The following ELMO1 variants were observed in gnomAD, a reference collection of about 807,000 sequenced individuals.
The protein encoded by ELMO1 is engulfment and cell motility protein 1.
Under a neutral mutation model 98.9 loss-of-function variants are expected in ELMO1, and 26 were observed. That is an observed-to-expected ratio of 0.26 (90% CI 0.19 to 0.36). ELMO1 has a LOEUF of 0.36. ELMO1 is among the 10% of genes least tolerant of loss of function. ELMO1 has a pLI of 1.00. For missense variants in ELMO1, 627 were observed against 935.2 expected (o/e 0.67, Z 4.30); for synonymous variants, 346 against 346.0 (o/e 1.00, Z 0.00).
intron 4 of ELMO1, among the ~76,000 whole-genome samples, chr7:37,292,834 T>G (rs1320341102): frequency 3.3e-5 from 3 of 92,200 alleles, no homozygotes; most frequent in Non-Finnish European, 6.9e-5. Context: ...GTCCGGGAGG[T>G]GAGGGGCGCC....
chr7:37,369,657 A>G (rs1243171312), intron 1 of ELMO1, among the ~76,000 whole-genome samples: 8 of 147,972 alleles, frequency 5.4e-5, no homozygotes, highest in Admixed American at 1.3e-4. Context: ...AGCAAGCTAT[A>G]TATAGCCCAA....
chr7:37,211,895 A>G (rs751733589), intron 12 of ELMO1, among the ~76,000 whole-genome samples: 3 of 152,214 alleles, frequency 2.0e-5, no homozygotes, highest in Non-Finnish European at 2.9e-5. Flanking sequence ...AGAAGCACCC[A>G]AAGTGCCTCA....
At chr7:37,186,663 T>C (rs766039576) in intron 13 of ELMO1, among the ~76,000 whole-genome samples, 6 of 152,134 alleles carry the variant, frequency 3.9e-5, no homozygotes, top group Non-Finnish European at 7.4e-5. Flanking sequence ...GAACAGACAT[T>C]TCCCCAAAGA....
chr7:37,407,682 A>G (rs1274807596), intron 1 of ELMO1, among the ~76,000 whole-genome samples: 3 of 152,178 alleles, frequency 2.0e-5, no homozygotes, highest in African/African-American at 7.2e-5. Flanking sequence ...AGAGGGATGC[A>G]TTTGTGGACT....
chr7:37,077,548 T>C lies in ELMO1; in HGVS notation c.1300+19071A>G, dbSNP rs182808230. Among the ~76,000 whole-genome samples, 21 of 152,140 alleles carry C rather than the reference T, an allele frequency of 1.4e-4. 1 individual carries two copies. Among genetic ancestry groups the C allele is most frequent in the Middle Eastern group, 3.4e-3 (1 of 294 alleles). On this transcript the variant is annotated intron_variant, in intron 15 of 21. Transcript: ENST00000310758. The stretch of plus-strand genomic sequence containing the variant: ...AGTTGCAGGATGAAGCAGGGGCGGA[T>C]TGGAGGAGGCAAGTATGCAGGCCAT...
intron 15 of ELMO1, among the ~76,000 whole-genome samples, chr7:37,089,497 C>A (rs1046718534): frequency 6.6e-6 from 1 of 152,210 alleles, no homozygotes; most frequent in East Asian, 1.9e-4. Context: ...GAGAATAACC[C>A]CCACACAAAA....
chr7:37,145,507 C>T (rs1787925165), intron 13 of ELMO1, among the ~76,000 whole-genome samples: 1 of 152,346 alleles, frequency 6.6e-6, no homozygotes, highest in Non-Finnish European at 1.5e-5. Flanking sequence ...TATGTATTAG[C>T]ACCTCCGCAG....
At chr7:36,958,112 C>A (rs1291815235) in intron 16 of ELMO1, among the ~76,000 whole-genome samples, 1 of 152,206 alleles carries the variant, frequency 6.6e-6, no homozygotes, top group African/African-American at 2.4e-5. Flanking sequence ...TTGTCCATCA[C>A]CCCATTCATG....
chr7:36,968,315 T>G (rs1020831449), intron 16 of ELMO1, among the ~76,000 whole-genome samples: 5 of 152,226 alleles, frequency 3.3e-5, no homozygotes, highest in African/African-American at 1.2e-4. Context: ...TGACTTGGAA[T>G]AGAAGGATAA....
chr7:37,182,807 T>C (rs142568905), intron 13 of ELMO1, among the ~76,000 whole-genome samples: 55 of 152,252 alleles, frequency 3.6e-4, no homozygotes, highest in African/African-American at 1.3e-3. Flanking sequence ...TTTTTAGATA[T>C]AAAACCAGGG....
At chr7:37,172,605 A>C (rs1790241642) in intron 13 of ELMO1, among the ~76,000 whole-genome samples, 1 of 152,248 alleles carries the variant, frequency 6.6e-6, no homozygotes. Flanking sequence ...AGCTACTATC[A>C]GAAGGTACTA....
intron 2 of ELMO1, among the ~76,000 whole-genome samples, chr7:37,317,336 G>C (rs376094414): frequency 1.3e-5 from 2 of 152,206 alleles, no homozygotes; most frequent in African/African-American, 2.4e-5. Context: ...GTGTGCAGAA[G>C]AATGTCTGTC....
intron 4 of ELMO1, among the ~76,000 whole-genome samples, chr7:37,307,320 C>T (rs1350132456): frequency 3.9e-5 from 6 of 152,148 alleles, no homozygotes; most frequent in African/African-American, 1.4e-4. Flanking sequence ...TCTGTTCTCA[C>T]AGACCTGATG....
intron 15 of ELMO1, among the ~76,000 whole-genome samples, chr7:37,071,231 T>C (rs954458861): frequency 3.3e-5 from 5 of 152,044 alleles, no homozygotes; most frequent in Admixed American, 6.6e-5. Context: ...ATTAAACCAG[T>C]ATATTGAGTG....
intron 15 of ELMO1, among the ~76,000 whole-genome samples, chr7:37,094,154 G>A (rs56790743): frequency 0.16 from 25,046 of 152,098 alleles, 2,811 homozygotes; most frequent in African/African-American, 0.31. Flanking sequence ...TGTGTTTGTC[G>A]TCTTAGGTGA....
At chr7:37,276,022 G>A (rs1796812290) in intron 4 of ELMO1, among the ~76,000 whole-genome samples, 2 of 152,202 alleles carry the variant, frequency 1.3e-5, no homozygotes, top group African/African-American at 4.8e-5. Context: ...AGGAGGCATA[G>A]TGCATAGCTT....
intron 1 of ELMO1, among the ~76,000 whole-genome samples, chr7:37,425,842 T>C (rs1474156896): frequency 2.6e-5 from 4 of 152,220 alleles, no homozygotes; most frequent in African/African-American, 9.6e-5. Flanking sequence ...TACGCTGATA[T>C]ACTGAGAACT....
Position 36,975,540 on chromosome 7 carries a change from A to G in ELMO1, c.1437+37759T>C, listed in dbSNP as rs377445815. Among the ~76,000 whole-genome samples, 26 of 152,226 alleles carry G rather than the reference A, an allele frequency of 1.7e-4. No individual in the cohort carries two copies. In the South Asian group the frequency reaches 5.2e-3, roughly 30 times the overall value. ...AGAATATAATTTTCAGTGTACTACA[A>G]TATTGACATTTAAAAGATAAAACTG... On this transcript the variant is annotated intron_variant, in intron 16 of 21. Coordinates refer to ENST00000310758, the MANE Select transcript of ELMO1 (RefSeq NM_014800.11).
chr7:37,267,034 T>A (rs62459323), intron 5 of ELMO1, among the ~76,000 whole-genome samples: 37,301 of 83,652 alleles, frequency 0.45, 9,747 homozygotes, highest in Middle Eastern at 0.55. Context: ...AAAATATGTA[T>A]ATATACACAC....
Sources: allele counts gnomAD v4.1 joint callset (sites outside exome capture counted in the v4.1 genomes callset), GRCh38; gene constraint gnomAD v4.1.1; transcripts MANE v1.5; gene names NCBI Gene and HGNC (gene_info 2026-07-23, HGNC 2026-07-21).